Variants in FAM135B observed in about 807,000 individuals in gnomAD.
FAM135B encodes protein FAM135B.
In FAM135B, 43 loss-of-function variants were observed where a neutral mutation model predicts 127.7. The ratio of observed to expected loss-of-function variants is 0.34; its 90% CI spans 0.26 to 0.43. The LOEUF (loss-of-function observed/expected upper bound fraction) is 0.43. Among genes scored for constraint, FAM135B ranks in the 20% least tolerant of loss-of-function variants. The pLI, the probability that FAM135B is intolerant of heterozygous loss-of-function variation, is 1.00. For missense variants in FAM135B, 1,558 were observed against 1,725.6 expected (o/e 0.90, Z 1.72); for synonymous variants, 670 against 665.1 (o/e 1.01, Z -0.11).
intron 3 of FAM135B, among the ~76,000 whole-genome samples, chr8:138,303,410 G>T (rs1314977536): frequency 2.0e-5 from 3 of 152,010 alleles, no homozygotes; most frequent in Non-Finnish European, 4.4e-5. Context: ...ACAGGGAGGG[G>T]AGCATCACAC....
At chr8:138,397,371 G>C (rs1832909776) in intron 1 of FAM135B, among the ~76,000 whole-genome samples, 1 of 152,186 alleles carries the variant, frequency 6.6e-6, no homozygotes, top group South Asian at 2.1e-4. Context: ...ACCGCTTAAG[G>C]GGTATGAGGT....
chr8:138,323,950 C>T lies in FAM135B; in HGVS notation c.78-13030G>A, dbSNP rs140192625. ...GAAAACAAAGGCTGTCTTCATGTGG[C>T]TGAACCTAACTCCTTGGTATTCTCC... On this transcript the variant is annotated intron_variant, in intron 2 of 19. Transcript: ENST00000395297. Among the ~76,000 whole-genome samples, 668 of 152,320 alleles carry T rather than the reference C, an allele frequency of 4.4e-3. 3 individuals are homozygous for T. Among genetic ancestry groups the T allele is most frequent in the African/African-American group, 0.016 (645 of 41,570 alleles).
chr8:138,380,659 A>C (rs1160090889), intron 1 of FAM135B, among the ~76,000 whole-genome samples: 1 of 151,878 alleles, frequency 6.6e-6, no homozygotes, highest in Non-Finnish European at 1.5e-5. Flanking sequence ...CTGTCTCCAG[A>C]TTTGTAGCCC....
intron 3 of FAM135B, among the ~76,000 whole-genome samples, chr8:138,277,971 T>C (rs1823961673): frequency 2.6e-5 from 4 of 152,118 alleles, no homozygotes; most frequent in Admixed American, 6.5e-5. Context: ...AATGTTATGA[T>C]TTCCTCATTA....
At chr8:138,453,923 T>C (rs936765857) in intron 1 of FAM135B, among the ~76,000 whole-genome samples, 14 of 152,136 alleles carry the variant, frequency 9.2e-5, no homozygotes, top group African/African-American at 3.4e-4. Flanking sequence ...GCTATGCTTT[T>C]GCCAAACTTA....
Position 138,132,422 on chromosome 8 carries a change from T to C in FAM135B, c.*171A>G. On this transcript the variant is annotated 3_prime_UTR_variant, in exon 20 of 20. Transcript: ENST00000395297. The surrounding 1 kb of genome is among the most constrained non-coding windows in gnomAD (Gnocchi z 4.5). ...TTGTCATTTAGTCTATTTGCTCAGC[T>C]TTCTCGAATCTCCAAAACAAAAGCA... 1 of 613,266 alleles carries C rather than the reference T, an allele frequency of 1.6e-6. No homozygotes were observed. Among genetic ancestry groups the C allele is most frequent in the Non-Finnish European group, 2.9e-6 (1 of 345,996 alleles). 38.0% of individuals were successfully genotyped at this position (613,266 alleles called of 1,614,324 possible).
At chr8:138,315,816 C>T (rs1473798382) in intron 2 of FAM135B, among the ~76,000 whole-genome samples, 1 of 151,834 alleles carries the variant, frequency 6.6e-6, no homozygotes, top group East Asian at 1.9e-4. Context: ...GGAAGTCAAA[C>T]ACGCAGAAAG....
rs2130749170 is a variant in FAM135B, at chr8:138,151,935, A to T, written c.2540T>A (p.Ile847Asn). The change falls in exon 13 of 20, where the codon ATC becomes AAC. Residue 847 changes from isoleucine (I) to asparagine (N), a missense_variant. Ile to Asn is a moderately radical substitution (Grantham distance 149). Around this residue, in one of 5 missense-constraint regions of FAM135B, gnomAD observed 923 missense variants for 865.3 expected, o/e 1.07. Transcript: ENST00000395297. ...AAACTGCTTCCCTTTCCCTTTGGGGATGTCTATGTATCCGGGGCCCTGCTG... is the reference window on the plus strand; with the variant it reads ...AAACTGCTTCCCTTTCCCTTTGGGGTTGTCTATGTATCCGGGGCCCTGCTG... ...DNQQGPGYIDIPKGKGKQFDA... is the reference protein window; with the variant it reads ...DNQQGPGYIDNPKGKGKQFDA... 1 of 1,614,044 alleles carries T rather than the reference A, an allele frequency of 6.2e-7. No individual in the cohort carries two copies. Among genetic ancestry groups the T allele is most frequent in the Non-Finnish European group, 8.5e-7 (1 of 1,180,022 alleles).
rs1317006796 is a variant in FAM135B at position 138,243,084 on chromosome 8, T to C, written c.543-16A>G. 2 of 1,601,058 alleles carry C rather than the reference T, an allele frequency of 1.2e-6. No individual in the cohort carries two copies. Among genetic ancestry groups the C allele is most frequent in the Non-Finnish European group, 8.5e-7 (1 of 1,174,774 alleles). The stretch of plus-strand genomic sequence containing the variant: ...ACGAGTAAAACTAAACAAAAGATAA[T>C]TGAAAGGGTGAAAAAGGAGGTAAAG... On this transcript the variant is annotated splice_polypyrimidine_tract_variant and intron_variant, in intron 6 of 19. Coordinates refer to ENST00000395297, the MANE Select transcript of FAM135B (RefSeq NM_015912.4). The surrounding 1 kb of genome is among the most constrained non-coding windows in gnomAD (Gnocchi z 7.5).
chr8:138,334,571 G>A (rs1264846076), intron 2 of FAM135B, among the ~76,000 whole-genome samples: 4 of 152,024 alleles, frequency 2.6e-5, no homozygotes, highest in Non-Finnish European at 5.9e-5. Context: ...AGGGCCCAGT[G>A]TATCGTGTTC....
chr8:138,237,671 C>T lies in FAM135B; in HGVS notation c.669+5271G>A, dbSNP rs539935776. ...TAACCCTCAGTCGTATGGGTGGGCC[C>T]TGTTCAGTCAGTTGAAGACCTTTCA... On this transcript the variant is annotated intron_variant, in intron 7 of 19. Coordinates refer to ENST00000395297, the MANE Select transcript of FAM135B (RefSeq NM_015912.4). Among the ~76,000 whole-genome samples the T allele has an allele frequency of 2.6e-5, 4 of 152,290 alleles. No individual in the cohort carries two copies. In the East Asian group the frequency reaches 7.7e-4, roughly 29 times the overall value.
At chr8:138,168,075 G>C (rs769156668) in intron 11 of FAM135B, 26 bp from the exon 12 acceptor site, 1 of 1,593,452 alleles carries the variant, frequency 6.3e-7, no homozygotes, top group African/African-American at 1.3e-5. Flanking sequence ...CAGGGTGAGC[G>C]TCCAGGGAAG....
intron 16 of FAM135B, among the ~76,000 whole-genome samples, chr8:138,142,288 CTTTTTTTTTTTTTTTTTTT>C (rs71316322): frequency 4.8e-5 from 3 of 62,366 alleles, no homozygotes; most frequent in East Asian, 4.3e-4. Flanking sequence ...TCTGCTTCTT[CTTTTTTTTTTTTTTTTTTT>C]TTTTTTTTTT....
chr8:138,150,666 C>CAATA (rs71316324), intron 13 of FAM135B, among the ~76,000 whole-genome samples: 3,480 of 44,596 alleles, frequency 0.078, 76 homozygotes, highest in African/African-American at 0.11. Flanking sequence ...GACTCTGTCT[C>CAATA]AATAAATAAA....
At chr8:138,422,835 C>G (rs372883370) in intron 1 of FAM135B, among the ~76,000 whole-genome samples, 1 of 152,142 alleles carries the variant, frequency 6.6e-6, no homozygotes, top group East Asian at 1.9e-4. Context: ...CAGCACTTTT[C>G]ATAATAGCAA....
intron 1 of FAM135B, among the ~76,000 whole-genome samples, chr8:138,432,856 C>T (rs1461504747): frequency 2.0e-5 from 3 of 152,010 alleles, no homozygotes; most frequent in African/African-American, 7.2e-5. Context: ...CAGCTTGATT[C>T]AATTTGTTGG....
At chr8:138,207,216 C>CTTTTTTTTTTTTTTTT (rs72229891) in intron 7 of FAM135B, among the ~76,000 whole-genome samples, 1 of 134,062 alleles carries the variant, frequency 7.5e-6, no homozygotes. Context: ...TGAAACAATA[C>CTTTTTTTTTTTTTTTT]TTTTTTTTTT....
intron 3 of FAM135B, among the ~76,000 whole-genome samples, chr8:138,279,016 C>T (rs1824058160): frequency 6.6e-6 from 1 of 152,150 alleles, no homozygotes; most frequent in Admixed American, 6.6e-5. Flanking sequence ...GCTGATTAGA[C>T]CTGGTTAATT....
intron 1 of FAM135B, among the ~76,000 whole-genome samples, chr8:138,461,560 ATGT>A (rs1453257124): frequency 6.6e-6 from 1 of 152,202 alleles, no homozygotes; most frequent in African/African-American, 2.4e-5. Context: ...TGCAAATGAA[ATGT>A]TAAGCCAATA....
Sources: allele counts gnomAD v4.1 joint callset (sites outside exome capture counted in the v4.1 genomes callset), GRCh38; gene constraint gnomAD v4.1.1; regional missense constraint gnomAD v4.1.1; non-coding constraint Gnocchi (gnomAD v3.1); transcripts MANE v1.5; gene names NCBI Gene and HGNC (gene_info 2026-07-23, HGNC 2026-07-21).